Variants in MDC1 observed in about 807,000 individuals in gnomAD.
MDC1 encodes mediator of DNA damage checkpoint protein 1.
MDC1 carries 81 observed loss-of-function variants against 142.5 expected under a neutral mutation model. That is an observed-to-expected ratio of 0.57 (90% confidence interval 0.47 to 0.68). The LOEUF is 0.68. Ranked by LOEUF, MDC1 falls within the 30% of genes least tolerant of loss-of-function variation. The probability of loss-of-function intolerance (pLI) is 0.00; values close to 1 mark genes in which losing one functional copy is unlikely to be tolerated. For synonymous variants in MDC1, 797 were observed against 968.4 expected (o/e 0.82, Z 3.29); for missense variants, 2,119 against 2,547.9 (o/e 0.83, Z 3.62).
In MDC1 at chr6:30,704,291, G is replaced by A. The variant is rs781011309; in HGVS notation, c.4892C>T (p.Pro1631Leu). 1 of 1,613,652 alleles carries A rather than the reference G, an allele frequency of 6.2e-7. No homozygotes were observed. Among genetic ancestry groups the A allele is most frequent in the Non-Finnish European group, 8.5e-7 (1 of 1,179,764 alleles). The change falls in exon 10 of 15, where the codon CCC (proline) becomes CTC (leucine). Residue 1631 changes from proline to leucine, a missense_variant. Transcript: ENST00000376406. ...CCTAGTGGCCCTAGATGTGAGCTTG[G>A]GGGTGACAGGCTGGTCTGTGGAGGT... ...PTTSTDQPVTPKLTSRATRRK... is the reference protein window; with the variant it reads ...PTTSTDQPVTLKLTSRATRRK...
Position 30,712,446 on chromosome 6 carries a change from A to G in MDC1, c.1496T>C (p.Val499Ala). The change falls in exon 5 of 15, where the codon GTG (valine) becomes GCG (alanine). Residue 499 changes from valine (V) to alanine (A), a missense_variant. Val to Ala is a moderately conservative substitution (Grantham distance 64). Coordinates refer to ENST00000376406, the MANE Select transcript of MDC1 (RefSeq NM_014641.3). This position sits in a 1 kb window ranked among gnomAD's most constrained non-coding sequence, Gnocchi z 4.7. ...QPPFGDSDDS[V>A]EADKSSPGIH... ...CCCAGGTGAGCTCTTATCTGCTTCCACACTGTCATCACTGTCCCCAAAAGG... is the reference window on the plus strand; with the variant it reads ...CCCAGGTGAGCTCTTATCTGCTTCCGCACTGTCATCACTGTCCCCAAAAGG... The G allele has an allele frequency of 1.2e-6, 2 of 1,612,942 alleles. No individual in the cohort carries two copies. The highest frequency in any genetic ancestry group is 1.7e-6 in the Non-Finnish European group (2 of 1,179,966).
At chr6:30,700,758 C>T (rs951532690) in intron 14 of MDC1, 126 bp from the exon 15 acceptor site, 3 of 917,808 alleles carry the variant, frequency 3.3e-6, no homozygotes, top group Non-Finnish European at 4.9e-6. Flanking sequence ...TGAAGCACAC[C>T]GCATACTGTC....
At chr6:30,706,760 G>A (rs368371471) in intron 9 of MDC1, among the ~76,000 whole-genome samples, 29 of 151,070 alleles carry the variant, frequency 1.9e-4, no homozygotes, top group African/African-American at 6.6e-4. Flanking sequence ...TCGCGCCACT[G>A]CACTCCAGCC....
rs144828571 is a variant in MDC1 at position 30,701,575 on chromosome 6, C to G, written c.6103-943G>C. ...TAAAGGACAAGTGACCCAGCTTCTG[C>G]AGGAAATAGATGGCATAAAAAAAGC... On this transcript the variant is annotated intron_variant, in intron 14 of 14. Transcript: ENST00000376406. 2.1e-4 allele frequency among the ~76,000 whole-genome samples: 32 copies of G among 152,186 alleles called. No homozygotes were observed. In the East Asian group the frequency reaches 5.6e-3, roughly 27 times the overall value.
At position 30,705,078 on chromosome 6, in the gene MDC1, T is replaced by C. The variant is rs765522705; in HGVS notation, c.4105A>G (p.Ile1369Val). ...GTGGAAGGTGGGAGCTCAGGGGCTA[T>C]AGGGACAGTTGATTCAGGGTTCTTC... ...SVKNPESTVPIAPELPPSTST... is the reference protein window; with the variant it reads ...SVKNPESTVPVAPELPPSTST... Residue 1369 changes from isoleucine (I) to valine (V), a missense_variant, in exon 10 of 15, where the codon ATA (isoleucine) becomes GTA (valine). Transcript: ENST00000376406. The C allele has an allele frequency of 1.9e-6, 3 of 1,612,134 alleles. No individual in the cohort carries two copies. The South Asian group carries it at 3.3e-5, about 18-fold the overall frequency.
In MDC1 at chr6:30,713,026, C is replaced by G. The variant is rs772462222; in HGVS notation, c.916G>C (p.Asp306His). ...GCTGGCCTTCCAGGAGGCCTGCTGT[C>G]ATCATCCACATCTGTGTCACTGTCC... ...GEDSDTDVDD[D>H]SRPPGRPAEV... is the part of the protein sequence containing the mutation. Residue 306 changes from aspartate to histidine, a missense_variant, in exon 5 of 15, where the codon GAC becomes CAC. Transcript: ENST00000376406. This position sits in a 1 kb window ranked among gnomAD's most constrained non-coding sequence, Gnocchi z 4.9. 1.2e-6 allele frequency: 2 copies of G among 1,612,728 alleles called. No individual in the cohort carries two copies. Among genetic ancestry groups the G allele is most frequent in the East Asian group, 2.2e-5 (1 of 44,892 alleles).
rs1212035573 is a variant in MDC1, at chr6:30,703,799, C to T, written c.5384G>A (p.Gly1795Asp). 1 of 1,599,134 alleles carries T rather than the reference C, an allele frequency of 6.3e-7. No homozygotes were observed. The highest frequency in any genetic ancestry group is 1.3e-5 in the African/African-American group (1 of 74,646). ...ASQIQKVEPA[G>D]RSRFTPELQP... ...GAGCTCCGGGGTGAACCTAGATCTA[C>T]CTGCTGGTTCCACCTTTTGGATCTG... The change falls in exon 10 of 15, where the codon GGT becomes GAT. Residue 1795 changes from glycine (G) to aspartate (D), a missense_variant. Physicochemically the swap from Gly to Asp is moderately conservative, Grantham distance 94. Transcript: ENST00000376406. The surrounding 1 kb of genome is among the most constrained non-coding windows in gnomAD (Gnocchi z 4.4).
rs577241465 is a variant in MDC1, at chr6:30,705,213, T to C, written c.3970A>G (p.Thr1324Ala). The C allele has an allele frequency of 1.4e-6, 2 of 1,461,944 alleles. No homozygotes were observed. Among genetic ancestry groups the C allele is most frequent in the South Asian group, 2.6e-5 (2 of 75,920 alleles). 90.6% of individuals were successfully genotyped at this position (1,461,944 alleles called of 1,614,324 possible). ...AGCTCAGGGGCTGTGGGGACAACTG[T>C]TTCAGGGGTCTTGACAGAGGACATA... ...TNMSSVKTPETVVPTAPELQI... is the reference protein window; with the variant it reads ...TNMSSVKTPEAVVPTAPELQI... Residue 1324 changes from threonine to alanine, a missense_variant, in exon 10 of 15, where the codon ACA becomes GCA. Coordinates refer to ENST00000376406, the MANE Select transcript of MDC1 (RefSeq NM_014641.3).
chr6:30,708,980 A>AAAAGAAAGAAAGAAAG lies in MDC1; in HGVS notation c.2222-639_2222-624dup, dbSNP rs140751169. ...TGAGTGACAGAGACCCTGTCTCAAA[A>AAAAGAAAGAAAGAAAG]AAAGAAAGAAAGAAAGAAAGAAAGA... On this transcript the variant is annotated intron_variant, in intron 7 of 14. Transcript: ENST00000376406. Among the ~76,000 whole-genome samples the AAAAGAAAGAAAGAAAG allele has an allele frequency of 4.5e-3, 686 of 151,784 alleles. 3 individuals carry two copies. Among genetic ancestry groups the AAAAGAAAGAAAGAAAG allele is most frequent in the African/African-American group, 0.015 (636 of 41,288 alleles).
chr6:30,701,912 G>T (rs1326874897), intron 14 of MDC1, among the ~76,000 whole-genome samples: 1 of 151,150 alleles, frequency 6.6e-6, no homozygotes, highest in Non-Finnish European at 1.5e-5. Context: ...GAAAGAGAAA[G>T]GAAAAAAAGA....
Position 30,705,556 on chromosome 6 carries a change from G to A in MDC1, c.3627C>T (p.Leu1209=). 6.2e-7 allele frequency: 1 copy of A among 1,607,218 alleles called. No homozygotes were observed. Among genetic ancestry groups the A allele is most frequent in the Non-Finnish European group, 8.5e-7 (1 of 1,176,890 alleles). The stretch of plus-strand genomic sequence containing the variant: ...GTCGGTCGGTGGAGGTGGAAGGCTG[G>A]AGCTCAAGGGCTGTGGGCACAACTG... ...PETVVPTALE[L]QPSTSTDRPV... is the part of the protein sequence containing the mutation. Residue 1209 remains leucine, a synonymous_variant, in exon 10 of 15, where the codon CTC becomes CTT. Transcript: ENST00000376406.
Position 30,699,964 on chromosome 6 carries a change from A to G in MDC1, c.*501T>C. ...GGAGAGAAGAAAATGTTTTAGTAGC[A>G]CTCCATAACTGGACCCTCAAATCTA... is the stretch of plus-strand genomic sequence containing the variant. On this transcript the variant is annotated 3_prime_UTR_variant, in exon 15 of 15. Transcript: ENST00000376406. 4.4e-6 allele frequency: 1 copy of G among 226,746 alleles called. No individual in the cohort carries two copies. The highest frequency in any genetic ancestry group is 8.8e-6 in the Non-Finnish European group (1 of 114,004). The allele number at this position is 226,746 out of a possible 1,614,324, so 14.0% of individuals were successfully genotyped here.
Position 30,705,047 on chromosome 6 carries a change from G to A in MDC1, c.4136C>T (p.Thr1379Ile), listed in dbSNP as rs753435554. Residue 1379 changes from threonine to isoleucine, a missense_variant, in exon 10 of 15, where the codon ACA (threonine) becomes ATA (isoleucine). Coordinates refer to ENST00000376406, the MANE Select transcript of MDC1 (RefSeq NM_014641.3). ...GGGCTCAGGGGTGACAGGCTGCTCT[G>A]TGGAGGTGGAAGGTGGGAGCTCAGG... ...IAPELPPSTS[T>I]EQPVTPEPTS... 3.7e-6 allele frequency: 6 copies of A among 1,612,682 alleles called. No homozygotes were observed. Among genetic ancestry groups the A allele is most frequent in the Non-Finnish European group, 5.1e-6 (6 of 1,179,562 alleles).
In MDC1 at chr6:30,716,823, C is replaced by T; in HGVS notation, c.-4+422G>A. The T allele has an allele frequency of 1.2e-6, 1 of 815,704 alleles. No individual in the cohort carries two copies. Among genetic ancestry groups the T allele is most frequent in the Non-Finnish European group, 1.5e-6 (1 of 674,906 alleles). 50.5% of individuals were successfully genotyped at this position (815,704 alleles called of 1,614,324 possible). The stretch of plus-strand genomic sequence containing the variant: ...CCCTGCCCTCGGGAAGGCTCATCAC[C>T]GAGCCTACTGATGAAGGAACAAATG... On this transcript the variant is annotated intron_variant, in intron 1 of 14. Transcript: ENST00000376406. The surrounding 1 kb of genome is among the most constrained non-coding windows in gnomAD (Gnocchi z 4.4).
rs766927696 is a variant in MDC1 at position 30,712,332 on chromosome 6, T to G, written c.1610A>C (p.His537Pro). 1.9e-6 allele frequency: 3 copies of G among 1,613,098 alleles called. No individual in the cohort carries two copies. Residue 537 changes from histidine to proline, a missense_variant, in exon 5 of 15, where the codon CAT becomes CCT. Coordinates refer to ENST00000376406, the MANE Select transcript of MDC1 (RefSeq NM_014641.3). This position sits in a 1 kb window ranked among gnomAD's most constrained non-coding sequence, Gnocchi z 4.7. Reference sequence around the variant, plus strand: ...CACAGACACCTGATGCTTCTTTATATGTATAATGGCTGACCCTGGCGGGAC... The same window carrying G: ...CACAGACACCTGATGCTTCTTTATAGGTATAATGGCTGACCCTGGCGGGAC... ...KEVPPGSAII[H>P]IKKHQVSVEG...
chr6:30,711,907 C>T lies in MDC1; in HGVS notation c.2035G>A (p.Gly679Ser), dbSNP rs778663395. 1 of 1,535,160 alleles carries T rather than the reference C, an allele frequency of 6.5e-7. No individual in the cohort carries two copies. The highest frequency in any genetic ancestry group is 2.3e-5 in the East Asian group (1 of 44,306). The stretch of plus-strand genomic sequence containing the variant: ...TTGTCTTCAGAGTCCTTGGTCCCAC[C>T]CACATGTTGTTCTCTCTCCCTTCCT... ...PTGREREQHV[G>S]GTKDSEDNYG... The change falls in exon 5 of 15, where the codon GGT becomes AGT. Residue 679 changes from glycine to serine, a missense_variant. Coordinates refer to ENST00000376406, the MANE Select transcript of MDC1 (RefSeq NM_014641.3).
chr6:30,711,387 CAG>C, intron 7 of MDC1, 23 bp downstream of exon 7: 1 of 1,590,016 alleles, frequency 6.3e-7, no homozygotes, highest in South Asian at 1.1e-5. Flanking sequence ...ATTGGGGACA[CAG>C]AGGAGGGAAG....
At position 30,703,915 on chromosome 6, in the gene MDC1, T is replaced by G. The variant is rs534740398; in HGVS notation, c.5268A>C (p.Gln1756His). The G allele has an allele frequency of 5.0e-6, 8 of 1,614,036 alleles. No individual in the cohort carries two copies. The highest frequency in any genetic ancestry group is 6.8e-6 in the Non-Finnish European group (8 of 1,180,032). ...LEPKSQASRNQRWGAVRAAES... is the reference protein window; with the variant it reads ...LEPKSQASRNHRWGAVRAAES... ...CAGCTGCTCTCACTGCTCCCCATCT[T>G]TGGTTCCTTGAGGCCTGGGATTTAG... The change falls in exon 10 of 15, where the codon CAA (glutamine) becomes CAC (histidine). Residue 1756 changes from glutamine to histidine, a missense_variant. By Grantham distance (24) the Gln-to-His change is conservative (BLOSUM62 0). Transcript: ENST00000376406. The surrounding 1 kb of genome is among the most constrained non-coding windows in gnomAD (Gnocchi z 4.4).
Position 30,704,228 on chromosome 6 carries a change from G to A in MDC1, c.4955C>T (p.Pro1652Leu). 6.2e-7 allele frequency: 1 copy of A among 1,613,830 alleles called. No individual in the cohort carries two copies. Among genetic ancestry groups the A allele is most frequent in the South Asian group, 1.1e-5 (1 of 91,040 alleles). ...TNRSSVKTPK[P>L]VEPAASDLEP... Reference sequence around the variant, plus strand: ...AAGATCAGAGGCTGCTGGTTCAACTGGTTTGGGAGTCTTGACAGAGGACCT... The same window carrying A: ...AAGATCAGAGGCTGCTGGTTCAACTAGTTTGGGAGTCTTGACAGAGGACCT... Residue 1652 changes from proline (P) to leucine (L), a missense_variant, in exon 10 of 15, where the codon CCA becomes CTA. Physicochemically the swap from Pro to Leu is moderately conservative, Grantham distance 98. Transcript: ENST00000376406.
Sources: allele counts gnomAD v4.1 joint callset (sites outside exome capture counted in the v4.1 genomes callset), GRCh38; gene constraint gnomAD v4.1.1; non-coding constraint Gnocchi (gnomAD v3.1); transcripts MANE v1.5; gene names NCBI Gene and HGNC (gene_info 2026-07-23, HGNC 2026-07-21).